ASTN1: variants seen among roughly 807,000 people sequenced by gnomAD.
ASTN1 encodes astrotactin 1, also known as astrotactin-1.
In ASTN1, 41 loss-of-function variants were observed where a neutral mutation model predicts 140.7. The observed-to-expected ratio is 0.29, with a 90% CI of 0.23 to 0.38. ASTN1 has a LOEUF of 0.38. Among genes scored for constraint, ASTN1 ranks in the 10% least tolerant of loss-of-function variants. ASTN1 has a pLI of 1.00. For missense variants in ASTN1, 1,479 were observed against 1,678.8 expected (o/e 0.88, Z 2.08); for synonymous variants, 640 against 652.2 (o/e 0.98, Z 0.29).
intron 10 of ASTN1, 97 bp downstream of exon 10, chr1:176,958,248 T>A: frequency 6.4e-7 from 1 of 1,574,000 alleles, no homozygotes; most frequent in Non-Finnish European, 8.6e-7. Flanking sequence ...TCCTTTTAGC[T>A]TGTTGGGACT....
At chr1:177,035,200 G>C (rs896213599) in intron 2 of ASTN1, among the ~76,000 whole-genome samples, 13 of 152,212 alleles carry the variant, frequency 8.5e-5, no homozygotes, top group African/African-American at 2.9e-4. Flanking sequence ...CACAGCAAAT[G>C]AGGAGTGGGA....
rs185300423 is a variant in ASTN1, at chr1:177,019,941, A to G, written c.1438+3463T>C. On this transcript the variant is annotated intron_variant, in intron 7 of 22. Coordinates refer to ENST00000361833, the MANE Select transcript of ASTN1 (RefSeq NM_004319.3). ...ATTCTGTCACTGTGGCTGGAGTGCAATGGTGCAATCTCGGCTCACTGCAGC... is the reference window on the plus strand; with the variant it reads ...ATTCTGTCACTGTGGCTGGAGTGCAGTGGTGCAATCTCGGCTCACTGCAGC... 2.0e-3 allele frequency among the ~76,000 whole-genome samples: 310 copies of G among 152,174 alleles called. 3 individuals are homozygous for G. Among genetic ancestry groups the G allele is most frequent in the African/African-American group, 6.9e-3 (287 of 41,518 alleles).
chr1:177,154,542 T>A (rs756734176), intron 1 of ASTN1, among the ~76,000 whole-genome samples: 13 of 152,202 alleles, frequency 8.5e-5, no homozygotes, highest in Non-Finnish European at 1.6e-4. Context: ...CTAAGTAGTA[T>A]GAGTAGATCT....
chr1:177,061,174 T>G lies in ASTN1; in HGVS notation c.375A>C (p.Gln125His), dbSNP rs775891495. 6.2e-6 allele frequency: 10 copies of G among 1,611,566 alleles called. No homozygotes were observed. The African/African-American group carries it at 1.2e-4, about 19-fold the overall frequency. Residue 125 changes from glutamine (Q) to histidine (H), a missense_variant, in exon 2 of 23, where the codon CAA (glutamine) becomes CAC (histidine). Gln to His is a conservative substitution (Grantham distance 24). Around this residue, in one of 3 missense-constraint regions of ASTN1, gnomAD observed 729 missense variants for 860.4 expected, o/e 0.85. Transcript: ENST00000361833. ...NGTLLFHIHHQDGAPSLPGQD... is the reference protein window; with the variant it reads ...NGTLLFHIHHHDGAPSLPGQD... ...GTCCAGGAAGGCTTGGGGCACCATCTTGGTGATGAATGTGAAAAAGCAAAG... is the reference window on the plus strand; with the variant it reads ...GTCCAGGAAGGCTTGGGGCACCATCGTGGTGATGAATGTGAAAAAGCAAAG...
At chr1:176,926,244 T>G (rs1353356523) in intron 16 of ASTN1, among the ~76,000 whole-genome samples, 1 of 149,188 alleles carries the variant, frequency 6.7e-6, no homozygotes, top group South Asian at 2.1e-4. Flanking sequence ...TGTTTGAAGA[T>G]TAAATGAAAA....
At chr1:177,128,462 G>C (rs1681779983) in intron 1 of ASTN1, among the ~76,000 whole-genome samples, 1 of 152,126 alleles carries the variant, frequency 6.6e-6, no homozygotes, top group African/African-American at 2.4e-5. Context: ...AAAGTCAAAT[G>C]AGTTACTTTT....
At chr1:177,156,219 G>A (rs922345069) in intron 1 of ASTN1, among the ~76,000 whole-genome samples, 7 of 150,550 alleles carry the variant, frequency 4.6e-5, no homozygotes, top group African/African-American at 1.7e-4. Flanking sequence ...GCAGTGAGCA[G>A]AGATTGCACC....
intron 16 of ASTN1, among the ~76,000 whole-genome samples, chr1:176,925,261 G>C (rs1255120890): frequency 1.3e-5 from 2 of 152,180 alleles, no homozygotes; most frequent in African/African-American, 4.8e-5. Flanking sequence ...CATGGCTCCA[G>C]TGTCGAAGTT....
At chr1:177,095,523 T>G (rs1679988032) in intron 1 of ASTN1, among the ~76,000 whole-genome samples, 1 of 152,198 alleles carries the variant, frequency 6.6e-6, no homozygotes, top group South Asian at 2.1e-4. Flanking sequence ...TATGTGTGGC[T>G]GCAGTAGGCT....
chr1:176,918,457 C>A (rs1670585641), intron 16 of ASTN1, among the ~76,000 whole-genome samples: 1 of 152,164 alleles, frequency 6.6e-6, no homozygotes, highest in Non-Finnish European at 1.5e-5. Context: ...TGCTCACCCC[C>A]CGGCAACATG....
chr1:176,962,836 G>A (rs1338997092), intron 9 of ASTN1, among the ~76,000 whole-genome samples: 1 of 152,186 alleles, frequency 6.6e-6, no homozygotes, highest in Non-Finnish European at 1.5e-5. Context: ...CAGGGTTGGA[G>A]ACTGCTTTTT....
chr1:177,121,090 A>ATATC lies in ASTN1; in HGVS notation c.283+43303_283+43304insGATA, dbSNP rs199737228. Among the ~76,000 whole-genome samples the ATATC allele has an allele frequency of 2.0e-5, 3 of 151,224 alleles. No homozygotes were observed. The East Asian group carries it at 5.8e-4, about 29-fold the overall frequency. The stretch of plus-strand genomic sequence containing the variant: ...CTATTGCTGCTGGTGATACATATAT[A>ATATC]TATATATACATGCACTATGTAAAGT... On this transcript the variant is annotated intron_variant, in intron 1 of 22. Transcript: ENST00000361833.
intron 9 of ASTN1, among the ~76,000 whole-genome samples, chr1:176,962,931 G>T (rs1419829004): frequency 1.3e-5 from 2 of 152,182 alleles, no homozygotes; most frequent in African/African-American, 2.4e-5. Flanking sequence ...ACAGTACCTT[G>T]AAATAGTAGG....
At chr1:177,088,156 T>C (rs935742066) in intron 1 of ASTN1, among the ~76,000 whole-genome samples, 1 of 152,240 alleles carries the variant, frequency 6.6e-6, no homozygotes. Flanking sequence ...TTTGAAAATA[T>C]ATCTGAATGC....
intron 16 of ASTN1, among the ~76,000 whole-genome samples, chr1:176,902,410 T>C (rs988369558): frequency 1.3e-5 from 2 of 151,676 alleles, no homozygotes; most frequent in Non-Finnish European, 2.9e-5. Context: ...CGAACAGCTT[T>C]TTAAAAATTG....
At chr1:176,885,549 T>A (rs1669000223) in intron 18 of ASTN1, among the ~76,000 whole-genome samples, 1 of 152,176 alleles carries the variant, frequency 6.6e-6, no homozygotes, top group Non-Finnish European at 1.5e-5. Context: ...GCCATTTATC[T>A]CATCCTTGGT....
At chr1:177,125,194 G>A (rs1175038002) in intron 1 of ASTN1, among the ~76,000 whole-genome samples, 1 of 152,210 alleles carries the variant, frequency 6.6e-6, no homozygotes, top group East Asian at 1.9e-4. Context: ...GAAGTAGTTA[G>A]AGATTTTACG....
At position 176,878,235 on chromosome 1, in the gene ASTN1, C is replaced by T. The variant is rs145553730; in HGVS notation, c.3363-1598G>A. ...CCTGCAGGACTCCTGCCCCTCCTTG[C>T]TGTCAGACCAGGACCAAGTGTGCAG... is the stretch of plus-strand genomic sequence containing the variant. On this transcript the variant is annotated intron_variant, in intron 20 of 22. Transcript: ENST00000361833. Among the ~76,000 whole-genome samples the T allele has an allele frequency of 5.9e-3, 901 of 152,328 alleles. 9 individuals carry two copies. Among genetic ancestry groups the T allele is most frequent in the African/African-American group, 0.02 (833 of 41,566 alleles).
chr1:177,025,613 G>C (rs574409024), intron 5 of ASTN1, among the ~76,000 whole-genome samples: 1 of 152,204 alleles, frequency 6.6e-6, no homozygotes, highest in Non-Finnish European at 1.5e-5. Context: ...CTTCTGCTCT[G>C]TGTTAATACT....
Sources: allele counts gnomAD v4.1 joint callset (sites outside exome capture counted in the v4.1 genomes callset), GRCh38; gene constraint gnomAD v4.1.1; regional missense constraint gnomAD v4.1.1; transcripts MANE v1.5; gene names NCBI Gene and HGNC (gene_info 2026-07-23, HGNC 2026-07-21).